The following CCDC167 variants were observed in gnomAD, a reference collection of about 807,000 sequenced individuals.
CCDC167 encodes coiled-coil domain containing 167, also known as coiled-coil domain-containing protein 167.
Under a neutral mutation model 12.7 loss-of-function variants are expected in CCDC167, and 15 were observed. The ratio of observed to expected loss-of-function variants is 1.18; its 90% CI spans 0.79 to 1.81. CCDC167 has a LOEUF of 1.81. Ranked by LOEUF, CCDC167 falls within the 40% of genes most tolerant of loss-of-function variation. The pLI is 0.00. For synonymous variants in CCDC167, 52 were observed against 49.0 expected (o/e 1.06, Z -0.26); for missense variants, 121 against 120.1 (o/e 1.01, Z -0.03).
chr6:37,499,809 C>A lies in CCDC167; in HGVS notation c.42+13G>T, dbSNP rs757011987. The stretch of plus-strand genomic sequence containing the variant: ...AACTAACGAGGTGGCCCAACCCCCA[C>A]TTTTCCCCTCACCTCTAGAGCGACG... On this transcript the variant is annotated intron_variant, in intron 1 of 3. Transcript: ENST00000373408. 2.5e-6 allele frequency: 4 copies of A among 1,613,886 alleles called. No individual in the cohort carries two copies. The African/African-American group carries it at 5.3e-5, about 22-fold the overall frequency.
intron 2 of CCDC167, 41 bp downstream of exon 2, chr6:37,485,059 G>A (rs756596968): frequency 2.6e-6 from 4 of 1,534,696 alleles, no homozygotes; most frequent in Non-Finnish European, 3.6e-6. Flanking sequence ...GGGGGTGGGG[G>A]CCTGATGGGG....
At chr6:37,495,577 C>A (rs1218443199) in intron 1 of CCDC167, among the ~76,000 whole-genome samples, 2 of 152,140 alleles carry the variant, frequency 1.3e-5, no homozygotes, top group African/African-American at 4.8e-5. Flanking sequence ...TCTGAGATCT[C>A]ATATGGTGGC....
intron 1 of CCDC167, among the ~76,000 whole-genome samples, chr6:37,488,269 T>G (rs1172029860): frequency 2.0e-5 from 3 of 151,462 alleles, no homozygotes; most frequent in Non-Finnish European, 4.4e-5. Context: ...GGGTCAGGAG[T>G]GGTGGCTACA....
At chr6:37,499,136 C>T (rs1311021484) in intron 1 of CCDC167, among the ~76,000 whole-genome samples, 1 of 152,152 alleles carries the variant, frequency 6.6e-6, no homozygotes, top group Non-Finnish European at 1.5e-5. Flanking sequence ...CACCTGGAAC[C>T]TCAATTTCCT....
At chr6:37,489,760 G>A (rs955822545) in intron 1 of CCDC167, among the ~76,000 whole-genome samples, 8 of 152,200 alleles carry the variant, frequency 5.3e-5, no homozygotes, top group Non-Finnish European at 1.2e-4. Context: ...AGGCCACAGG[G>A]GCTCCCAGGA....
At chr6:37,492,339 G>A (rs941860564) in intron 1 of CCDC167, among the ~76,000 whole-genome samples, 2 of 152,136 alleles carry the variant, frequency 1.3e-5, no homozygotes, top group Non-Finnish European at 2.9e-5. Context: ...TTCTCTACTC[G>A]GAATAATCTT....
At chr6:37,487,320 C>T (rs1035438318) in intron 1 of CCDC167, among the ~76,000 whole-genome samples, 2 of 152,204 alleles carry the variant, frequency 1.3e-5, no homozygotes, top group Non-Finnish European at 2.9e-5. Context: ...AAGGCCTAGC[C>T]TGCTGCAGTC....
intron 3 of CCDC167, among the ~76,000 whole-genome samples, chr6:37,484,406 C>T (rs1303700977): frequency 5.3e-5 from 8 of 150,296 alleles, no homozygotes; most frequent in East Asian, 2.0e-4. Flanking sequence ...GAGCCCTTGC[C>T]GTACCCAAGT....
At chr6:37,485,234 C>T in intron 1 of CCDC167, 40 bp from the exon 2 acceptor site, 1 of 1,499,420 alleles carries the variant, frequency 6.7e-7, no homozygotes, top group Middle Eastern at 1.7e-4. Context: ...GCCGAGGCTT[C>T]TAGCTCTCAA....
At chr6:37,484,745 C>T in intron 3 of CCDC167, 65 bp downstream of exon 3, 1 of 1,594,212 alleles carries the variant, frequency 6.3e-7, no homozygotes, top group Non-Finnish European at 8.6e-7. Context: ...GCCCCTTGGG[C>T]TTCTGACCCT....
intron 1 of CCDC167, among the ~76,000 whole-genome samples, chr6:37,492,596 G>A (rs1442693146): frequency 6.6e-6 from 1 of 152,214 alleles, no homozygotes; most frequent in Non-Finnish European, 1.5e-5. Context: ...GGCTACTTGG[G>A]CCTGATAAAC....
rs147462082 is a variant in CCDC167, at chr6:37,491,726, C to T, written c.43-6532G>A. ...GGAACCACAACAGTGACAGCAGCAG[C>T]AACACTTCTGTAGTCTGTGCTGTGT... On this transcript the variant is annotated intron_variant, in intron 1 of 3. Transcript: ENST00000373408. 1.2e-4 allele frequency among the ~76,000 whole-genome samples: 18 copies of T among 152,346 alleles called. No individual in the cohort carries two copies. In the East Asian group the frequency reaches 3.3e-3, roughly 28 times the overall value.
At chr6:37,493,197 C>G (rs922794507) in intron 1 of CCDC167, among the ~76,000 whole-genome samples, 2 of 152,342 alleles carry the variant, frequency 1.3e-5, no homozygotes, top group Middle Eastern at 6.8e-3. Context: ...CGAGTCCCGA[C>G]GCCTTCCCGC....
At chr6:37,483,640 G>C (rs995766481) in intron 3 of CCDC167, among the ~76,000 whole-genome samples, 1 of 152,184 alleles carries the variant, frequency 6.6e-6, no homozygotes, top group Admixed American at 6.5e-5. Flanking sequence ...CTGTCATGGG[G>C]TTGGCTGTGG....
chr6:37,495,019 C>T (rs763286371), intron 1 of CCDC167, among the ~76,000 whole-genome samples: 3 of 151,964 alleles, frequency 2.0e-5, no homozygotes, highest in Admixed American at 1.3e-4. Context: ...AGGCTGGTCT[C>T]GAACTCCTGA....
At chr6:37,488,811 C>T (rs1761978000) in intron 1 of CCDC167, among the ~76,000 whole-genome samples, 1 of 152,210 alleles carries the variant, frequency 6.6e-6, no homozygotes, top group Admixed American at 6.5e-5. Context: ...GTAAGATGCC[C>T]AGAACATGCT....
chr6:37,485,657 G>A (rs1041035259), intron 1 of CCDC167, among the ~76,000 whole-genome samples: 2 of 152,260 alleles, frequency 1.3e-5, no homozygotes, highest in Admixed American at 6.5e-5. Context: ...CACTCCACAC[G>A]TGTGGGGCCG....
At chr6:37,498,996 G>A (rs1228274010) in intron 1 of CCDC167, among the ~76,000 whole-genome samples, 2 of 152,100 alleles carry the variant, frequency 1.3e-5, no homozygotes, top group African/African-American at 4.8e-5. Context: ...CTATGACCCT[G>A]TACCTCTCCT....
chr6:37,486,885 A>G (rs1761948817), intron 1 of CCDC167, among the ~76,000 whole-genome samples: 1 of 152,152 alleles, frequency 6.6e-6, no homozygotes, highest in Non-Finnish European at 1.5e-5. Context: ...CACCCCCAGC[A>G]CACAGCCCAG....
Sources: gnomAD v4.1 joint callset for allele counts (sites outside exome capture counted in the v4.1 genomes callset) on GRCh38, gnomAD v4.1.1 for gene constraint, MANE v1.5 for transcripts, NCBI Gene and HGNC (gene_info 2026-07-23, HGNC 2026-07-21) for gene names.